CHSY3: variants seen among roughly 807,000 people sequenced by gnomAD.
The protein encoded by CHSY3 is N-acetylgalactosaminyl-proteoglycan 3-beta-glucuronosyltransferase 3.
CHSY3 carries 35 observed loss-of-function variants against 67.2 expected under a neutral mutation model. The observed-to-expected ratio is 0.52, with a 90% CI of 0.40 to 0.69. CHSY3 has a LOEUF of 0.69. CHSY3 is among the 30% of genes least tolerant of loss of function. The probability of loss-of-function intolerance (pLI) is 0.00; values close to 1 mark genes in which losing one functional copy is unlikely to be tolerated. For synonymous variants in CHSY3, 474 were observed against 434.7 expected, an observed-to-expected ratio of 1.09 and a Z score of -1.12; for missense variants, 1,069 against 1,138.5, an observed-to-expected ratio of 0.94 and a Z score of 0.88.
chr5:130,156,700 A>G (rs1329177940), intron 2 of CHSY3, among the ~76,000 whole-genome samples: 1 of 152,210 alleles, frequency 6.6e-6, no homozygotes, highest in African/African-American at 2.4e-5. Flanking sequence ...GCAGATAAAC[A>G]AATTACTGGG....
chr5:129,945,761 G>A (rs1406157671), intron 2 of CHSY3, among the ~76,000 whole-genome samples: 2 of 152,100 alleles, frequency 1.3e-5, no homozygotes, highest in African/African-American at 4.8e-5. Context: ...GGGTGGTAGG[G>A]CATATAAAAA....
chr5:130,119,280 G>A (rs1767926792), intron 2 of CHSY3, among the ~76,000 whole-genome samples: 1 of 152,164 alleles, frequency 6.6e-6, no homozygotes, highest in Non-Finnish European at 1.5e-5. Context: ...ATGCAGTTCA[G>A]CATTTCCTTC....
At chr5:130,035,025 C>T (rs1334023998) in intron 2 of CHSY3, among the ~76,000 whole-genome samples, 1 of 152,042 alleles carries the variant, frequency 6.6e-6, no homozygotes, top group Non-Finnish European at 1.5e-5. Context: ...CAAGTAAGTT[C>T]TTTTAAGTGA....
intron 2 of CHSY3, among the ~76,000 whole-genome samples, chr5:129,990,316 G>A (rs911968891): frequency 3.5e-4 from 53 of 151,784 alleles, no homozygotes; most frequent in African/African-American, 1.1e-3. Flanking sequence ...GCACTCTGAT[G>A]TGTTTCAAGT....
At chr5:130,161,492 T>C (rs565630643) in intron 2 of CHSY3, among the ~76,000 whole-genome samples, 2 of 152,330 alleles carry the variant, frequency 1.3e-5, no homozygotes, top group African/African-American at 4.8e-5. Context: ...TAATATACTT[T>C]CTGGAATTGC....
chr5:130,004,169 A>C (rs970142731), intron 2 of CHSY3, among the ~76,000 whole-genome samples: 1 of 152,174 alleles, frequency 6.6e-6, no homozygotes, highest in Non-Finnish European at 1.5e-5. Flanking sequence ...TTGAAAAGCT[A>C]AAATGCAGAA....
At chr5:129,915,302 G>C (rs1204304532) in intron 2 of CHSY3, among the ~76,000 whole-genome samples, 1 of 152,116 alleles carries the variant, frequency 6.6e-6, no homozygotes, top group Non-Finnish European at 1.5e-5. Flanking sequence ...TTGAGGAGTT[G>C]CAGTTCTTCA....
At chr5:129,970,381 G>A (rs1451995573) in intron 2 of CHSY3, among the ~76,000 whole-genome samples, 2 of 149,048 alleles carry the variant, frequency 1.3e-5, no homozygotes, top group Admixed American at 6.8e-5. Context: ...GGTAAATGGG[G>A]TGGACAGAGG....
At chr5:129,945,262 A>AT (rs1236652967) in intron 2 of CHSY3, among the ~76,000 whole-genome samples, 1 of 152,260 alleles carries the variant, frequency 6.6e-6, no homozygotes, top group Non-Finnish European at 1.5e-5. Context: ...AATGTGGAAC[A>AT]TGGCACTTGT....
At chr5:130,171,966 G>A (rs1170212087) in intron 2 of CHSY3, among the ~76,000 whole-genome samples, 1 of 152,166 alleles carries the variant, frequency 6.6e-6, no homozygotes, top group African/African-American at 2.4e-5. Flanking sequence ...GAAAGTCTGA[G>A]TGTGCTTTGG....
intron 2 of CHSY3, among the ~76,000 whole-genome samples, chr5:130,100,597 C>T (rs974335037): frequency 1.2e-4 from 19 of 152,116 alleles, no homozygotes; most frequent in African/African-American, 4.3e-4. Flanking sequence ...AAATTTAGGT[C>T]CCTTAGTGAC....
Position 130,185,702 on chromosome 5 carries a change from A to C in CHSY3, c.2560A>C (p.Lys854Gln), listed in dbSNP as rs1770398842. ...GCAGTATAAGATGTGCTTAGGATCC[A>C]AGGCAAGTACTTTCGCCTCAACCAT... is the stretch of plus-strand genomic sequence containing the variant. Reference protein sequence around the residue: ...PKQYKMCLGSKASTFASTMQL... With the variant: ...PKQYKMCLGSQASTFASTMQL... The change falls in exon 3 of 3, where the codon AAG becomes CAG. Residue 854 changes from lysine to glutamine, a missense_variant. By Grantham distance (53) the Lys-to-Gln change is moderately conservative (BLOSUM62 1). This residue lies in a region of CHSY3 where 139 missense variants were observed against 152.8 expected (regional missense o/e 0.91). Coordinates refer to ENST00000305031, the MANE Select transcript of CHSY3 (RefSeq NM_175856.5). 6.2e-7 allele frequency: 1 copy of C among 1,613,820 alleles called. No homozygotes were observed. The highest frequency in any genetic ancestry group is 8.5e-7 in the Non-Finnish European group (1 of 1,179,922).
chr5:129,954,319 G>A (rs1415904497), intron 2 of CHSY3, among the ~76,000 whole-genome samples: 1 of 152,076 alleles, frequency 6.6e-6, no homozygotes, highest in Non-Finnish European at 1.5e-5. Context: ...TGAGGCCTCT[G>A]TTCTGTTCCA....
chr5:129,972,451 A>G (rs963226553), intron 2 of CHSY3, among the ~76,000 whole-genome samples: 1 of 151,998 alleles, frequency 6.6e-6, no homozygotes, highest in African/African-American at 2.4e-5. Flanking sequence ...TGTATATGCT[A>G]TATATGTCTA....
At chr5:130,105,943 A>G (rs1265647801) in intron 2 of CHSY3, among the ~76,000 whole-genome samples, 2 of 151,644 alleles carry the variant, frequency 1.3e-5, no homozygotes, top group African/African-American at 4.8e-5. Flanking sequence ...GTATTCCCCC[A>G]GAGAACTAGG....
chr5:130,158,876 T>C (rs1343571418), intron 2 of CHSY3, among the ~76,000 whole-genome samples: 1 of 152,198 alleles, frequency 6.6e-6, no homozygotes, highest in East Asian at 1.9e-4. Flanking sequence ...CACAGCTCAC[T>C]GCAGCCTCGA....
chr5:129,971,127 A>G (rs1762629662), intron 2 of CHSY3, among the ~76,000 whole-genome samples: 1 of 151,854 alleles, frequency 6.6e-6, no homozygotes, highest in African/African-American at 2.4e-5. Flanking sequence ...GGAGGTTGAA[A>G]GTGACAGGTT....
chr5:129,944,870 A>G (rs1249223146), intron 2 of CHSY3, among the ~76,000 whole-genome samples: 1 of 152,212 alleles, frequency 6.6e-6, no homozygotes, highest in African/African-American at 2.4e-5. Context: ...TTTTCTCTGT[A>G]TATTTCACAA....
chr5:129,974,581 G>A (rs185775480), intron 2 of CHSY3, among the ~76,000 whole-genome samples: 2 of 152,272 alleles, frequency 1.3e-5, no homozygotes, highest in Non-Finnish European at 2.9e-5. Flanking sequence ...CCTCAAGGCT[G>A]TCAAGTGTGG....
Sources: gnomAD v4.1 joint callset for allele counts (sites outside exome capture counted in the v4.1 genomes callset) on GRCh38, gnomAD v4.1.1 for gene constraint, gnomAD v4.1.1 regional missense constraint, MANE v1.5 for transcripts, NCBI Gene and HGNC (gene_info 2026-07-23, HGNC 2026-07-21) for gene names.